The following DYRK1A variants were observed in gnomAD, a reference collection of about 807,000 sequenced individuals.
DYRK1A encodes dual specificity tyrosine-phosphorylation-regulated kinase 1A.
In DYRK1A, 9 loss-of-function variants were observed where a neutral mutation model predicts 79.7. That is an observed-to-expected ratio of 0.11 (90% CI 0.07 to 0.20). The LOEUF is 0.20. Among genes scored for constraint, DYRK1A ranks in the 10% least tolerant of loss-of-function variants. DYRK1A has a pLI of 1.00. For missense variants in DYRK1A, 622 were observed against 956.0 expected (o/e 0.65, Z 4.61); for synonymous variants, 349 against 329.7 (o/e 1.06, Z -0.63).
At chr21:37,407,891 T>C (rs752629577) in intron 1 of DYRK1A, among the ~76,000 whole-genome samples, 1 of 152,178 alleles carries the variant, frequency 6.6e-6, no homozygotes, top group Non-Finnish European at 1.5e-5. Flanking sequence ...ACTATGAAGT[T>C]TGACCTGTGT....
rs2049318371 is a variant in DYRK1A, at chr21:37,366,962, A to C, written c.-743A>C. The C allele has an allele frequency of 6.3e-6, 1 of 157,564 alleles. No homozygotes were observed. The highest frequency in any genetic ancestry group is 6.5e-5 in the Admixed American group (1 of 15,308). The allele number at this position is 157,564 out of a possible 1,614,324, so 9.8% of individuals were successfully genotyped here. A position where few individuals can be genotyped will look rare whatever the true frequency, so the allele number is the denominator to read the frequency against. ...GGCCCAGGTCGGCCTCAGAGAGCGG[A>C]CACCCCGAGCGGGGGGTGCGGGCGC... On this transcript the variant is annotated 5_prime_UTR_variant, in exon 1 of 12. Coordinates refer to ENST00000647188, the MANE Select transcript of DYRK1A (RefSeq NM_001347721.2).
intron 1 of DYRK1A, among the ~76,000 whole-genome samples, chr21:37,402,384 A>T (rs2050068978): frequency 6.6e-6 from 1 of 152,164 alleles, no homozygotes; most frequent in Non-Finnish European, 1.5e-5. Context: ...CTGAATGTAG[A>T]ATTCTAGATT....
At chr21:37,379,040 C>T (rs149264007) in intron 1 of DYRK1A, among the ~76,000 whole-genome samples, 5 of 152,108 alleles carry the variant, frequency 3.3e-5, no homozygotes, top group Admixed American at 3.3e-4. Flanking sequence ...GAGTCATATC[C>T]CTGGAGCATC....
chr21:37,489,608 A>G (rs532488158), intron 6 of DYRK1A, among the ~76,000 whole-genome samples: 1 of 151,030 alleles, frequency 6.6e-6, no homozygotes, highest in Non-Finnish European at 1.5e-5. Context: ...TGATTTTCAG[A>G]CATTTGTTGT....
Position 37,488,275 on chromosome 21 carries a change from T to C in DYRK1A, c.637+1661T>C, listed in dbSNP as rs543490643. On this transcript the variant is annotated intron_variant, in intron 6 of 11. Transcript: ENST00000647188. Reference sequence around the variant, plus strand: ...GTGAATGCATAACGTCTCAAGAAACTGAGATTCTGTTTGGAAAACAAAAGA... The same window carrying C: ...GTGAATGCATAACGTCTCAAGAAACCGAGATTCTGTTTGGAAAACAAAAGA... 7 of 916,098 alleles carry C rather than the reference T, an allele frequency of 7.6e-6. No individual in the cohort carries two copies. The African/African-American group carries it at 1.3e-4, about 16-fold the overall frequency. The allele number at this position is 916,098 out of a possible 1,614,324, so 56.7% of individuals were successfully genotyped here. A position where few individuals can be genotyped will look rare whatever the true frequency, so the allele number is the denominator to read the frequency against.
chr21:37,428,857 C>G (rs2050698435), intron 2 of DYRK1A: 1 of 152,140 alleles, frequency 6.6e-6, no homozygotes, highest in Admixed American at 6.5e-5. Context: ...TCTCGAATTC[C>G]TGACCTCAGG....
intron 2 of DYRK1A, among the ~76,000 whole-genome samples, chr21:37,462,371 A>G (rs2051869616): frequency 6.6e-6 from 1 of 152,192 alleles, no homozygotes; most frequent in South Asian, 2.1e-4. Context: ...AGTCTCTGTT[A>G]GAACAGGGGC....
rs1223331512 is a variant in DYRK1A, at chr21:37,514,651, T to G, written c.*2120T>G. 2.0e-5 allele frequency: 3 copies of G among 152,650 alleles called. No homozygotes were observed. The allele number at this position is 152,650 out of a possible 1,614,324, so 9.5% of individuals were successfully genotyped here. A position where few individuals can be genotyped will look rare whatever the true frequency, so the allele number is the denominator to read the frequency against. On this transcript the variant is annotated 3_prime_UTR_variant, in exon 12 of 12. Coordinates refer to ENST00000647188, the MANE Select transcript of DYRK1A (RefSeq NM_001347721.2). ...TAAACTACAAAAACTTTTTGTTGTTTATCAGGAAATCCATATTTATTTTGT... is the reference window on the plus strand; with the variant it reads ...TAAACTACAAAAACTTTTTGTTGTTGATCAGGAAATCCATATTTATTTTGT...
intron 1 of DYRK1A, among the ~76,000 whole-genome samples, chr21:37,406,073 C>T (rs2050141321): frequency 6.6e-6 from 1 of 151,758 alleles, no homozygotes; most frequent in Non-Finnish European, 1.5e-5. Context: ...AGGGGACGTC[C>T]CAGTGTTAGC....
intron 2 of DYRK1A, among the ~76,000 whole-genome samples, chr21:37,443,743 G>T (rs545767380): frequency 7.2e-5 from 11 of 152,120 alleles, no homozygotes; most frequent in Non-Finnish European, 1.6e-4. Flanking sequence ...GCATTCCTTG[G>T]CTTCTGCTGC....
intron 1 of DYRK1A, among the ~76,000 whole-genome samples, chr21:37,375,542 T>C (rs1253434040): frequency 1.4e-5 from 2 of 141,534 alleles, no homozygotes; most frequent in Non-Finnish European, 3.1e-5. Context: ...TTTTTTTTTT[T>C]GAGATGGAGT....
In DYRK1A at chr21:37,512,584, T is replaced by C; in HGVS notation, c.*53T>C. 1 of 1,576,388 alleles carries C rather than the reference T, an allele frequency of 6.3e-7. No homozygotes were observed. The highest frequency in any genetic ancestry group is 2.2e-5 in the East Asian group (1 of 44,450). On this transcript the variant is annotated 3_prime_UTR_variant, in exon 12 of 12. Coordinates refer to ENST00000647188, the MANE Select transcript of DYRK1A (RefSeq NM_001347721.2). ...GTGTGTTTTTATAGAAGTGGTGTTT[T>C]TTTTCCAAAAACAAAGTGCAAAGCT...
intron 2 of DYRK1A, among the ~76,000 whole-genome samples, chr21:37,435,030 T>G (rs529673555): frequency 1.3e-5 from 2 of 152,362 alleles, no homozygotes; most frequent in South Asian, 4.1e-4. Flanking sequence ...CTACTTTAAC[T>G]GTGTTCTGCA....
chr21:37,405,909 G>C (rs1165817610), intron 1 of DYRK1A, among the ~76,000 whole-genome samples: 1 of 152,120 alleles, frequency 6.6e-6, no homozygotes, highest in Non-Finnish European at 1.5e-5. Flanking sequence ...TACTATTCAT[G>C]TGTGTTCAGT....
chr21:37,451,920 C>T (rs1163274029), intron 2 of DYRK1A, among the ~76,000 whole-genome samples: 2 of 151,896 alleles, frequency 1.3e-5, no homozygotes, highest in Non-Finnish European at 2.9e-5. Context: ...AATAGGAGGG[C>T]GGGGATAGCA....
intron 1 of DYRK1A, among the ~76,000 whole-genome samples, 183 bp downstream of exon 1, chr21:37,367,811 G>A (rs1602338242): frequency 6.6e-6 from 1 of 150,472 alleles, no homozygotes; most frequent in Non-Finnish European, 1.5e-5. Flanking sequence ...CCGGAGGAGC[G>A]GCGGGCGCGA....
chr21:37,439,295 C>G (rs1050904998), intron 2 of DYRK1A, among the ~76,000 whole-genome samples: 2 of 152,124 alleles, frequency 1.3e-5, no homozygotes, highest in African/African-American at 4.8e-5. Flanking sequence ...TCTTGCCGTT[C>G]TACATTGGCT....
At chr21:37,462,538 C>G (rs552009730) in intron 2 of DYRK1A, among the ~76,000 whole-genome samples, 1 of 152,292 alleles carries the variant, frequency 6.6e-6, no homozygotes, top group South Asian at 2.1e-4. Context: ...TCACAGTTCC[C>G]TGGTAGTTGT....
intron 5 of DYRK1A, among the ~76,000 whole-genome samples, chr21:37,484,553 T>C (rs1306321771): frequency 6.6e-6 from 1 of 152,106 alleles, no homozygotes; most frequent in Non-Finnish European, 1.5e-5. Flanking sequence ...GGTCTCGAGC[T>C]CCTGACCTCA....
Sources: allele counts gnomAD v4.1 joint callset (sites outside exome capture counted in the v4.1 genomes callset), GRCh38; gene constraint gnomAD v4.1.1; transcripts MANE v1.5; gene names NCBI Gene and HGNC (gene_info 2026-07-23, HGNC 2026-07-21).